Variants in SCAF4 observed in about 807,000 individuals in gnomAD.
SCAF4 encodes the protein SR-related CTD associated factor 4.
SCAF4 carries 25 observed loss-of-function variants against 129.8 expected under a neutral mutation model. The observed-to-expected ratio is 0.19, with a 90% CI of 0.14 to 0.27. SCAF4 has a LOEUF of 0.27. Among genes scored for constraint, SCAF4 ranks in the 10% least tolerant of loss-of-function variants. SCAF4 has a pLI of 1.00. For synonymous variants in SCAF4, 551 were observed against 497.7 expected (o/e 1.11, Z -1.43); for missense variants, 1,246 against 1,457.1 (o/e 0.86, Z 2.36).
At chr21:31,672,868 G>A (rs2049746843) in intron 19 of SCAF4, among the ~76,000 whole-genome samples, 1 of 152,232 alleles carries the variant, frequency 6.6e-6, no homozygotes, top group East Asian at 1.9e-4. Flanking sequence ...GCTACACTTA[G>A]TCCATATTAT....
At chr21:31,726,363 G>A (rs2051204885) in intron 1 of SCAF4, among the ~76,000 whole-genome samples, 1 of 152,108 alleles carries the variant, frequency 6.6e-6, no homozygotes, top group Admixed American at 6.5e-5. Flanking sequence ...TAACCTTTAA[G>A]AATTTAAAAG....
In SCAF4 at chr21:31,722,810, G is replaced by A. The variant is rs142245374; in HGVS notation, c.30+8853C>T. The stretch of plus-strand genomic sequence containing the variant: ...TCTACTAAAAATACAAAAATTAGCC[G>A]GGTGTGGTGGCACGTGCCTGTAATC... On this transcript the variant is annotated intron_variant, in intron 1 of 19. Coordinates refer to ENST00000286835, the MANE Select transcript of SCAF4 (RefSeq NM_020706.2). 2.9e-3 allele frequency among the ~76,000 whole-genome samples: 445 copies of A among 152,162 alleles called. 3 individuals carry two copies. The highest frequency in any genetic ancestry group is 9.6e-3 in the African/African-American group (400 of 41,504).
intron 16 of SCAF4, among the ~76,000 whole-genome samples, chr21:31,687,452 T>C (rs1033727399): frequency 1.3e-5 from 2 of 152,078 alleles, no homozygotes; most frequent in Non-Finnish European, 1.5e-5. Context: ...CTGCTGAATA[T>C]AAACAACAGA....
At chr21:31,730,353 C>T (rs1413034881) in intron 1 of SCAF4, among the ~76,000 whole-genome samples, 1 of 152,114 alleles carries the variant, frequency 6.6e-6, no homozygotes, top group Non-Finnish European at 1.5e-5. Flanking sequence ...AGACACTGTC[C>T]AATACCAGTT....
rs1241698493 is a variant in SCAF4, at chr21:31,671,079, G to C, written c.*320C>G. 4.3e-6 allele frequency: 1 copy of C among 234,058 alleles called. No homozygotes were observed. Among genetic ancestry groups the C allele is most frequent in the Non-Finnish European group, 8.1e-6 (1 of 123,986 alleles). The allele number at this position is 234,058 out of a possible 1,614,324, so 14.5% of individuals were successfully genotyped here. A position where few individuals can be genotyped will look rare whatever the true frequency, so the allele number is the denominator to read the frequency against. On this transcript the variant is annotated 3_prime_UTR_variant, in exon 20 of 20. Coordinates refer to ENST00000286835, the MANE Select transcript of SCAF4 (RefSeq NM_020706.2). Reference sequence around the variant, plus strand: ...ATTAAAAACATCCCTATTGTTTTGAGGAGCTTTCACCGTTACCTTGTCTTA... The same window carrying C: ...ATTAAAAACATCCCTATTGTTTTGACGAGCTTTCACCGTTACCTTGTCTTA...
intron 1 of SCAF4, among the ~76,000 whole-genome samples, chr21:31,715,483 A>T (rs1346892795): frequency 2.0e-5 from 3 of 152,224 alleles, no homozygotes; most frequent in Non-Finnish European, 4.4e-5. Flanking sequence ...ATTACCTAAA[A>T]AAAATAGGGC....
rs192807027 is a variant in SCAF4 at position 31,710,034 on chromosome 21, G to A, written c.31-3677C>T. On this transcript the variant is annotated intron_variant, in intron 1 of 19. Transcript: ENST00000286835. ...ATTAACTATGAAAAGGAATATAGGG[G>A]GAAAAAAAAAATCCAGGAAGGCATC... Among the ~76,000 whole-genome samples, 35 of 151,624 alleles carry A rather than the reference G, an allele frequency of 2.3e-4. 1 individual carries two copies. Among genetic ancestry groups the A allele is most frequent in the Admixed American group, 1.8e-3 (28 of 15,234 alleles).
rs1326695154 is a variant in SCAF4 at position 31,729,578 on chromosome 21, C to CCCCATAT, written c.30+2084_30+2085insATATGGG. ...ATTCAAGATTATATGGGGAACGAAT[C>CCCCATAT]AAGAACATTTCATGAATGGGGAGAA... On this transcript the variant is annotated intron_variant, in intron 1 of 19. Transcript: ENST00000286835. Among the ~76,000 whole-genome samples the CCCCATAT allele has an allele frequency of 6.6e-3, 998 of 152,244 alleles. 9 individuals carry two copies. Among genetic ancestry groups the CCCCATAT allele is most frequent in the African/African-American group, 0.023 (940 of 41,528 alleles).
In SCAF4 at chr21:31,693,367, T is replaced by C; in HGVS notation, c.1440A>G (p.Glu480=). Residue 480 remains glutamate (E), a synonymous_variant, in exon 12 of 20, where the codon GAA becomes GAG. Coordinates refer to ENST00000286835, the MANE Select transcript of SCAF4 (RefSeq NM_020706.2). ...CTCTCTCTTTTTCTCGATCCCGTCT[T>C]TCTTGAGATCGAGATCGGGGAGAAT... ...RRHSPRSRSQ[E]RRDREKERER... is the part of the protein sequence containing the mutation. 6.4e-7 allele frequency: 1 copy of C among 1,573,602 alleles called. No individual in the cohort carries two copies. The highest frequency in any genetic ancestry group is 8.7e-7 in the Non-Finnish European group (1 of 1,151,340).
rs1276461160 is a variant in SCAF4 at position 31,696,644 on chromosome 21, G to C, written c.884C>G (p.Pro295Arg). Residue 295 changes from proline (P) to arginine (R), a missense_variant, in exon 8 of 20, where the codon CCC becomes CGC. Pro to Arg is a moderately radical substitution (Grantham distance 103). This residue lies in a region of SCAF4 where 236 missense variants were observed against 210.0 expected (regional missense o/e 1.12). Coordinates refer to ENST00000286835, the MANE Select transcript of SCAF4 (RefSeq NM_020706.2). ...AGGCACGGTGGCGGTGGGTGCAGGG[G>C]GTACTGCGGCAGCAGGTGCTGTCGT... is the stretch of plus-strand genomic sequence containing the variant. ...VTTTAPAAAV[P>R]PAPTATVPAA... The C allele has an allele frequency of 6.2e-7, 1 of 1,613,900 alleles. No individual in the cohort carries two copies. The highest frequency in any genetic ancestry group is 8.5e-7 in the Non-Finnish European group (1 of 1,179,962).
chr21:31,678,825 T>C (rs1040874212), intron 19 of SCAF4, among the ~76,000 whole-genome samples: 7 of 152,228 alleles, frequency 4.6e-5, no homozygotes, highest in Non-Finnish European at 8.8e-5. Flanking sequence ...TACACCCTTA[T>C]ACTGCCTAAC....
rs748297414 is a variant in SCAF4 at position 31,671,486 on chromosome 21, T to C, written c.3357A>G (p.Leu1119=). 5.6e-6 allele frequency: 9 copies of C among 1,614,180 alleles called. No individual in the cohort carries two copies. The South Asian group carries it at 7.7e-5, about 14-fold the overall frequency. The change falls in exon 20 of 20, where the codon CTA becomes CTG. Residue 1119 remains leucine, a synonymous_variant. Transcript: ENST00000286835. The part of the protein sequence containing the change: ...LEKGVSEAAV[L]KPSEELPAEA... ...CAGCAGGTAACTCTTCAGAAGGCTT[T>C]AGGACTGCAGCCTCAGACACCCCCT...
At chr21:31,731,629 G>C (rs780830971) in intron 1 of SCAF4, 34 bp downstream of exon 1, 1 of 1,586,106 alleles carries the variant, frequency 6.3e-7, no homozygotes, top group Non-Finnish European at 8.5e-7. Context: ...TCCCGCAGCA[G>C]GCCCGGCACC....
In SCAF4 at chr21:31,731,966, G is replaced by GT. The variant is rs2051374890; in HGVS notation, c.-275dup. 2 of 477,092 alleles carry GT rather than the reference G, an allele frequency of 4.2e-6. No individual in the cohort carries two copies. Among genetic ancestry groups the GT allele is most frequent in the Non-Finnish European group, 7.3e-6 (2 of 275,540 alleles). 29.6% of individuals were successfully genotyped at this position (477,092 alleles called of 1,614,324 possible). Reference sequence around the variant, plus strand: ...TGGTCTTCAACATGTCCGTTTGGTGGTGGCGGCTGCGCTCTGCGTCTCGCT... The same window carrying GT: ...TGGTCTTCAACATGTCCGTTTGGTGGTTGGCGGCTGCGCTCTGCGTCTCGCT... On this transcript the variant is annotated 5_prime_UTR_variant, in exon 1 of 20. Coordinates refer to ENST00000286835, the MANE Select transcript of SCAF4 (RefSeq NM_020706.2).
intron 1 of SCAF4, among the ~76,000 whole-genome samples, chr21:31,707,738 A>G (rs2045788454): frequency 6.6e-6 from 1 of 152,226 alleles, no homozygotes; most frequent in Non-Finnish European, 1.5e-5. Context: ...CTAAGAGGCT[A>G]GACTAAAATA....
At position 31,671,375 on chromosome 21, in the gene SCAF4, T is replaced by C; in HGVS notation, c.*24A>G. 1 of 1,605,094 alleles carries C rather than the reference T, an allele frequency of 6.2e-7. No homozygotes were observed. The highest frequency in any genetic ancestry group is 1.1e-5 in the South Asian group (1 of 90,022). On this transcript the variant is annotated 3_prime_UTR_variant, in exon 20 of 20. Transcript: ENST00000286835. ...CTCTACACTCCAGGAAGTGTCACTG[T>C]CACATTTTCACAAATTCCAGTCTCT...
intron 18 of SCAF4, 35 bp from the exon 19 acceptor site, chr21:31,685,275 A>C: frequency 6.6e-7 from 1 of 1,525,904 alleles, no homozygotes. Flanking sequence ...TGTGAAGCTG[A>C]ATAATTAATT....
chr21:31,718,915 T>C (rs1039696298), intron 1 of SCAF4, among the ~76,000 whole-genome samples: 29 of 152,244 alleles, frequency 1.9e-4, no homozygotes, highest in African/African-American at 6.0e-4. Flanking sequence ...CACATGGAAT[T>C]GCTAAATTAC....
At chr21:31,684,739 CAG>C (rs545108068) in intron 19 of SCAF4, 3 of 341,802 alleles carry the variant, frequency 8.8e-6, no homozygotes, top group South Asian at 2.9e-5. Context: ...TTCCTTTGCA[CAG>C]AGATTACTTT....
Sources: gnomAD v4.1 joint callset for allele counts (sites outside exome capture counted in the v4.1 genomes callset) on GRCh38, gnomAD v4.1.1 for gene constraint, gnomAD v4.1.1 regional missense constraint, MANE v1.5 for transcripts, NCBI Gene and HGNC (gene_info 2026-07-23, HGNC 2026-07-21) for gene names.